Variants in LY75 observed in about 807,000 individuals in gnomAD.
LY75 encodes lymphocyte antigen 75, also known as C-type lectin domain family 13 member B.
Under a neutral mutation model 231.7 loss-of-function variants are expected in LY75, and 185 were observed. The observed-to-expected ratio is 0.80, with a 90% CI of 0.71 to 0.90. The LOEUF is 0.90. Ranked by LOEUF, LY75 falls within the 40% of genes least tolerant of loss-of-function variation. LY75 has a pLI of 0.00. For missense variants in LY75, 1,947 were observed against 2,050.2 expected (o/e 0.95, Z 0.97); for synonymous variants, 668 against 689.0 (o/e 0.97, Z 0.48).
At chr2:159,862,683 T>G (rs1348683164) in intron 14 of LY75, among the ~76,000 whole-genome samples, 1 of 152,194 alleles carries the variant, frequency 6.6e-6, no homozygotes, top group Non-Finnish European at 1.5e-5. Context: ...TTTTATTTTT[T>G]AAATTGGCAG....
intron 27 of LY75, among the ~76,000 whole-genome samples, chr2:159,833,653 T>G (rs994948031): frequency 2.0e-5 from 3 of 152,206 alleles, no homozygotes; most frequent in African/African-American, 7.2e-5. Flanking sequence ...CAAAATACAA[T>G]AAGTAATGAC....
intron 29 of LY75, among the ~76,000 whole-genome samples, chr2:159,818,337 T>C (rs1316141569): frequency 4.6e-5 from 7 of 152,230 alleles, no homozygotes; most frequent in Non-Finnish European, 1.0e-4. Context: ...ATGCTGTCCA[T>C]GTGAAGTGAG....
rs1352735417 is a variant in LY75 at position 159,852,287 on chromosome 2, AT to A, written c.2796del (p.Lys932AsnfsTer7). The A allele has an allele frequency of 6.2e-7, 1 of 1,613,968 alleles. No homozygotes were observed. The highest frequency in any genetic ancestry group is 8.5e-7 in the Non-Finnish European group (1 of 1,179,960). On this transcript the variant is annotated frameshift_variant, in exon 21 of 35. Transcript: ENST00000263636. LOFTEE classifies it high-confidence loss of function. ...TATTTCTCTAACGAAGAAACATTAT[AT>A]TTTTCACAGATGAAGGGCAACTTGG... ...CSTKLPFICE[K>X]YNVSSLEKYS...
chr2:159,818,313 C>T (rs1683183959), intron 29 of LY75, among the ~76,000 whole-genome samples: 1 of 152,174 alleles, frequency 6.6e-6, no homozygotes. Flanking sequence ...AGTGATAAGT[C>T]ATATGAATAG....
intron 2 of LY75, among the ~76,000 whole-genome samples, 180 bp downstream of exon 2, chr2:159,898,508 A>T (rs1685966713): frequency 6.6e-6 from 1 of 152,210 alleles, no homozygotes. Flanking sequence ...TGCAAAGTAG[A>T]GGCAAATACC....
Position 159,804,947 on chromosome 2 carries a change from T to G in LY75, c.*97A>C. On this transcript the variant is annotated 3_prime_UTR_variant, in exon 35 of 35. Coordinates refer to ENST00000263636, the MANE Select transcript of LY75 (RefSeq NM_002349.4). ...AAACAACTGAAAAAGTATTTAAGAG[T>G]TCTACTTTGGAGCAGAGTAAATACT... 1.1e-6 allele frequency: 1 copy of G among 903,506 alleles called. No individual in the cohort carries two copies. Among genetic ancestry groups the G allele is most frequent in the South Asian group, 1.7e-5 (1 of 58,272 alleles). The allele number at this position is 903,506 out of a possible 1,614,324, so 56.0% of individuals were successfully genotyped here.
At chr2:159,826,638 C>A (rs146621268) in intron 28 of LY75, among the ~76,000 whole-genome samples, 3 of 152,044 alleles carry the variant, frequency 2.0e-5, no homozygotes, top group Non-Finnish European at 4.4e-5. Flanking sequence ...AAAAAGAGCC[C>A]GGATAGCCAA....
At chr2:159,823,838 C>A (rs572970933) in intron 28 of LY75, among the ~76,000 whole-genome samples, 53 of 152,274 alleles carry the variant, frequency 3.5e-4, no homozygotes, top group African/African-American at 1.3e-3. Context: ...AATTTCATAT[C>A]CAGCCAAACT....
In LY75 at chr2:159,824,967, G is replaced by C. The variant is rs189522729; in HGVS notation, c.3959-5047C>G. 2.8e-4 allele frequency among the ~76,000 whole-genome samples: 42 copies of C among 152,220 alleles called. 1 individual carries two copies. The East Asian group carries it at 7.7e-3, about 28-fold the overall frequency. ...GGACACATTTAAAGCAGTGTGTAGGGGGAAATTTATAGCACTAAATGCCCA... is the reference window on the plus strand; with the variant it reads ...GGACACATTTAAAGCAGTGTGTAGGCGGAAATTTATAGCACTAAATGCCCA... On this transcript the variant is annotated intron_variant, in intron 28 of 34. Coordinates refer to ENST00000263636, the MANE Select transcript of LY75 (RefSeq NM_002349.4).
intron 11 of LY75, among the ~76,000 whole-genome samples, chr2:159,876,102 G>A (rs1343432766): frequency 6.6e-6 from 1 of 152,152 alleles, no homozygotes; most frequent in African/African-American, 2.4e-5. Flanking sequence ...CAAAGGAAAA[G>A]CTGGTACAAT....
At chr2:159,854,977 T>C (rs1684507479) in intron 16 of LY75, 38 bp from the exon 17 acceptor site, 3 of 1,612,516 alleles carry the variant, frequency 1.9e-6, no homozygotes, top group Non-Finnish European at 2.5e-6. Context: ...TAGTATTCCA[T>C]GACAGATCAG....
intron 12 of LY75, among the ~76,000 whole-genome samples, chr2:159,874,132 A>AAAGTATATATATTTTGTAAATATATAT (rs1685109717): frequency 1.0e-4 from 1 of 9,704 alleles, no homozygotes; most frequent in Admixed American, 2.0e-3. Context: ...GTAAATATAT[A>AAAGTATATATATTTTGTAAATATATAT]AACGTATATA....
At chr2:159,847,334 A>T (rs13396708) in intron 23 of LY75, among the ~76,000 whole-genome samples, 7,171 of 152,142 alleles carry the variant, frequency 0.047, 507 homozygotes, top group African/African-American at 0.16. Context: ...TTTTTTAATT[A>T]AAACAATTTT....
In LY75 at chr2:159,852,340, T is replaced by C; in HGVS notation, c.2744A>G (p.Asp915Gly). 1 of 1,612,078 alleles carries C rather than the reference T, an allele frequency of 6.2e-7. No individual in the cohort carries two copies. Among genetic ancestry groups the C allele is most frequent in the Non-Finnish European group, 8.5e-7 (1 of 1,179,124 alleles). ...ACTACAGTCTGTTGGTTTACCTAAGTCTGAGAAATGAAAAGCCAGGATTAC... is the reference window on the plus strand; with the variant it reads ...ACTACAGTCTGTTGGTTTACCTAAGCCTGAGAAATGAAAAGCCAGGATTAC... ...LYMSAKTWLIDLGKPTDCSTK... is the reference protein window; with the variant it reads ...LYMSAKTWLIGLGKPTDCSTK... The change falls in exon 21 of 35, where the codon GAC becomes GGC. Residue 915 changes from aspartate (D) to glycine (G), a missense_variant and splice_region_variant. By Grantham distance (94) the Asp-to-Gly change is moderately conservative. Transcript: ENST00000263636.
At chr2:159,849,365 T>C (rs1003358022) in intron 23 of LY75, among the ~76,000 whole-genome samples, 1 of 152,218 alleles carries the variant, frequency 6.6e-6, no homozygotes, top group African/African-American at 2.4e-5. Flanking sequence ...GTCAGTATAA[T>C]GCCCTCTTCC....
chr2:159,865,039 T>C, intron 13 of LY75, 119 bp from the exon 14 acceptor site: 1 of 862,554 alleles, frequency 1.2e-6, no homozygotes, highest in Non-Finnish European at 1.6e-6. Context: ...TAAAGAAGTC[T>C]TTTGAAATGA....
At chr2:159,877,393 G>A (rs1685308648) in intron 11 of LY75, among the ~76,000 whole-genome samples, 1 of 152,138 alleles carries the variant, frequency 6.6e-6, no homozygotes. Context: ...TTAAAAATCA[G>A]GAACTCTGGA....
At chr2:159,836,778 C>T (rs919712455) in intron 25 of LY75, among the ~76,000 whole-genome samples, 71 of 152,216 alleles carry the variant, frequency 4.7e-4, no homozygotes, top group African/African-American at 1.7e-3. Context: ...CCACTGTGGC[C>T]TCCAGTGTGG....
intron 4 of LY75, among the ~76,000 whole-genome samples, chr2:159,888,650 G>A (rs1300713103): frequency 6.6e-6 from 1 of 151,948 alleles, no homozygotes; most frequent in Non-Finnish European, 1.5e-5. Flanking sequence ...GACAATACAT[G>A]TTTGCTTAAT....
Sources: gnomAD v4.1 joint callset for allele counts (sites outside exome capture counted in the v4.1 genomes callset) on GRCh38, gnomAD v4.1.1 for gene constraint, MANE v1.5 for transcripts, NCBI Gene and HGNC (gene_info 2026-07-23, HGNC 2026-07-21) for gene names.